ADAM12: variants seen among roughly 807,000 people sequenced by gnomAD.
ADAM12 encodes ADAM metallopeptidase domain 12.
A neutral mutation model predicts 106.4 loss-of-function variants in ADAM12; 70 were observed. That is an observed-to-expected ratio of 0.66 (90% CI 0.54 to 0.80). The LOEUF (loss-of-function observed/expected upper bound fraction) is 0.80. Among genes scored for constraint, ADAM12 ranks in the 30% least tolerant of loss-of-function variants. The pLI is 0.00. For synonymous variants in ADAM12, 420 were observed against 433.5 expected, an observed-to-expected ratio of 0.97 and a Z score of 0.39; for missense variants, 1,010 against 1,171.9, an observed-to-expected ratio of 0.86 and a Z score of 2.02.
At chr10:126,276,290 A>G (rs17154643) in intron 3 of ADAM12, among the ~76,000 whole-genome samples, 9,689 of 152,178 alleles carry the variant, frequency 0.064, 409 homozygotes, top group Admixed American at 0.13. Flanking sequence ...GTCTCTGCTT[A>G]TATTTTTATC....
intron 2 of ADAM12, among the ~76,000 whole-genome samples, chr10:126,330,054 T>C (rs1854451770): frequency 6.6e-6 from 1 of 152,226 alleles, no homozygotes; most frequent in Non-Finnish European, 1.5e-5. Flanking sequence ...TAAATATATT[T>C]CTAGCAATAA....
intron 3 of ADAM12, among the ~76,000 whole-genome samples, chr10:126,197,400 G>T (rs752914645): frequency 1.3e-5 from 2 of 152,222 alleles, no homozygotes; most frequent in Non-Finnish European, 2.9e-5. Flanking sequence ...AGGGAGGCAA[G>T]TTGAGGGTTT....
intron 3 of ADAM12, among the ~76,000 whole-genome samples, chr10:126,177,477 A>G (rs1957240417): frequency 6.6e-6 from 1 of 152,224 alleles, no homozygotes; most frequent in South Asian, 2.1e-4. Flanking sequence ...AAGAGATTAC[A>G]TAGCTTAAGA....
intron 3 of ADAM12, among the ~76,000 whole-genome samples, chr10:126,245,314 T>G (rs1273422520): frequency 2.0e-5 from 3 of 151,970 alleles, no homozygotes; most frequent in Non-Finnish European, 2.9e-5. Flanking sequence ...GAAGGACACA[T>G]CCCCCAGAGA....
At chr10:126,323,983 C>T (rs7902879) in intron 2 of ADAM12, among the ~76,000 whole-genome samples, 1 of 152,092 alleles carries the variant, frequency 6.6e-6, no homozygotes, top group Non-Finnish European at 1.5e-5. Context: ...AAGTAAGAAG[C>T]TTGCCTCATG....
rs1193870534 is a variant in ADAM12 at position 126,272,515 on chromosome 10, TTAA to T, written c.260+6397_260+6399del. 4.6e-5 allele frequency among the ~76,000 whole-genome samples: 7 copies of T among 152,318 alleles called. 1 individual carries two copies. In the South Asian group the frequency reaches 1.0e-3, roughly 23 times the overall value. Reference sequence around the variant, plus strand: ...TATTAATGTTTAGTAAAGATAATTATTAATAAGATATTAATAAAGATTCTGATA... The same window carrying T: ...TATTAATGTTTAGTAAAGATAATTATTAAGATATTAATAAAGATTCTGATA... On this transcript the variant is annotated intron_variant, in intron 3 of 22. Transcript: ENST00000448723.
chr10:126,072,975 C>T (rs1955027423), intron 11 of ADAM12, among the ~76,000 whole-genome samples: 1 of 152,230 alleles, frequency 6.6e-6, no homozygotes, highest in African/African-American at 2.4e-5. Flanking sequence ...ATTTTGAGAT[C>T]ATGCTGATTT....
chr10:126,217,673 T>C (rs1958012082), intron 3 of ADAM12, among the ~76,000 whole-genome samples: 2 of 145,106 alleles, frequency 1.4e-5, no homozygotes, highest in African/African-American at 5.0e-5. Context: ...TTTTGCTCCA[T>C]GTAAATTACA....
intron 3 of ADAM12, among the ~76,000 whole-genome samples, chr10:126,200,864 G>T (rs1360078922): frequency 1.3e-5 from 2 of 149,270 alleles, no homozygotes; most frequent in Non-Finnish European, 2.9e-5. Context: ...CGTGATGGGG[G>T]CAGGGTGGTG....
At chr10:126,175,455 T>C (rs1418139240) in intron 3 of ADAM12, among the ~76,000 whole-genome samples, 2 of 142,026 alleles carry the variant, frequency 1.4e-5, no homozygotes, top group African/African-American at 5.2e-5. Context: ...CTACAGGTTT[T>C]ATTTTAAACA....
At chr10:126,163,821 T>C (rs1215522114) in intron 3 of ADAM12, among the ~76,000 whole-genome samples, 1 of 152,178 alleles carries the variant, frequency 6.6e-6, no homozygotes, top group African/African-American at 2.4e-5. Context: ...CCTCTAAACC[T>C]AGCACAATGC....
At chr10:126,148,921 T>G (rs1469868425) in intron 4 of ADAM12, among the ~76,000 whole-genome samples, 1 of 152,082 alleles carries the variant, frequency 6.6e-6, no homozygotes. Context: ...CACTGCTGCC[T>G]AGAGGACTCC....
In ADAM12 at chr10:126,105,508, T is replaced by TC. The variant is rs1955748839; in HGVS notation, c.741+3084dup. Among the ~76,000 whole-genome samples the TC allele has an allele frequency of 2.0e-5, 3 of 152,186 alleles. No individual in the cohort carries two copies. In the South Asian group the frequency reaches 6.2e-4, roughly 31 times the overall value. Reference sequence around the variant, plus strand: ...GCTCCCAGCTCAGGCACCTAAGCCTTCCGCCCTCTAGGCCAGTGCGTCTCA... The same window carrying TC: ...GCTCCCAGCTCAGGCACCTAAGCCTTCCCGCCCTCTAGGCCAGTGCGTCTCA... On this transcript the variant is annotated intron_variant, in intron 8 of 22. Coordinates refer to ENST00000448723, the MANE Select transcript of ADAM12 (RefSeq NM_001288973.2).
chr10:126,266,841 G>A (rs901807894), intron 3 of ADAM12, among the ~76,000 whole-genome samples: 4 of 152,216 alleles, frequency 2.6e-5, no homozygotes, highest in East Asian at 3.9e-4. Flanking sequence ...CCGATTTCAC[G>A]AGAAGTCCAC....
chr10:126,039,568 A>C (rs1351065425), intron 18 of ADAM12, 139 bp from the exon 19 acceptor site: 1 of 1,001,048 alleles, frequency 1.0e-6, no homozygotes, highest in Admixed American at 2.4e-5. Flanking sequence ...ATGTACTAAT[A>C]AACTGTCTTA....
At chr10:126,174,559 A>G (rs1957183143) in intron 3 of ADAM12, among the ~76,000 whole-genome samples, 1 of 152,182 alleles carries the variant, frequency 6.6e-6, no homozygotes, top group South Asian at 2.1e-4. Context: ...CAACTGGCAC[A>G]CTGAAGATGT....
intron 1 of ADAM12, among the ~76,000 whole-genome samples, chr10:126,362,714 T>A (rs1031357846): frequency 5.9e-5 from 9 of 152,186 alleles, no homozygotes; most frequent in Non-Finnish European, 1.3e-4. Context: ...TGTGTTCTCA[T>A]TTATATGTGG....
intron 8 of ADAM12, among the ~76,000 whole-genome samples, chr10:126,103,817 A>AGCAACAAATATTT (rs1955713587): frequency 6.6e-6 from 1 of 152,276 alleles, no homozygotes; most frequent in Non-Finnish European, 1.5e-5. Flanking sequence ...TTTACACAAC[A>AGCAACAAATATTT]GCAACAAATA....
At chr10:126,141,672 C>G (rs995087955) in intron 4 of ADAM12, among the ~76,000 whole-genome samples, 2 of 152,152 alleles carry the variant, frequency 1.3e-5, no homozygotes, top group African/African-American at 4.8e-5. Context: ...AATCAAACGT[C>G]TGTTACCCAA....
Sources: allele counts gnomAD v4.1 joint callset (sites outside exome capture counted in the v4.1 genomes callset), GRCh38; gene constraint gnomAD v4.1.1; transcripts MANE v1.5; gene names NCBI Gene and HGNC (gene_info 2026-07-23, HGNC 2026-07-21).